KANK4: variants seen among roughly 807,000 people sequenced by gnomAD.
KANK4 encodes the protein KN motif and ankyrin repeat domain-containing protein 4.
KANK4 carries 50 observed loss-of-function variants against 80.8 expected under a neutral mutation model. The ratio of observed to expected loss-of-function variants is 0.62; its 90% CI spans 0.49 to 0.78. The LOEUF is 0.78. Among genes scored for constraint, KANK4 ranks in the 30% least tolerant of loss-of-function variants. The probability of loss-of-function intolerance (pLI) is 0.00; values close to 1 mark genes in which losing one functional copy is unlikely to be tolerated. For synonymous variants in KANK4, 465 were observed against 506.9 expected (o/e 0.92, Z 1.11); for missense variants, 1,196 against 1,240.1 (o/e 0.96, Z 0.53).
chr1:62,262,644 G>C (rs1339599597), intron 7 of KANK4, among the ~76,000 whole-genome samples: 1 of 152,022 alleles, frequency 6.6e-6, no homozygotes, highest in African/African-American at 2.4e-5. Flanking sequence ...TATATGCACA[G>C]ACACACATAC....
At chr1:62,260,356 G>A (rs763048344) in intron 7 of KANK4, among the ~76,000 whole-genome samples, 8 of 151,528 alleles carry the variant, frequency 5.3e-5, no homozygotes, top group Non-Finnish European at 1.0e-4. Flanking sequence ...TTTTCTGCCT[G>A]TCTGTCTCTC....
At chr1:62,243,969 G>C (rs200335100) in intron 9 of KANK4, among the ~76,000 whole-genome samples, 1 of 150,142 alleles carries the variant, frequency 6.7e-6, no homozygotes, top group African/African-American at 2.4e-5. Context: ...TTTTTTTTTT[G>C]TTTTAGCTAT....
intron 1 of KANK4, among the ~76,000 whole-genome samples, chr1:62,298,814 T>TA (rs772021783): frequency 2.0e-4 from 31 of 152,334 alleles, no homozygotes; most frequent in Non-Finnish European, 2.6e-4. Context: ...AAGTGCCCAA[T>TA]AAAAGTCAGT....
rs1282615199 is a variant in KANK4 at position 62,279,198 on chromosome 1, G to GCGCGCACACACA, written c.16+2350_16+2351insTGTGTGTGCGCG. Among the ~76,000 whole-genome samples, 173 of 146,272 alleles carry GCGCGCACACACA rather than the reference G, an allele frequency of 1.2e-3. 3 individuals are homozygous for GCGCGCACACACA. The highest frequency in any genetic ancestry group is 1.0e-2 in the South Asian group (44 of 4,416). ...TAGGTGCTTTCCTAAGCTAGCGCGC[G>GCGCGCACACACA]CACACACACACACACACACACACAC... On this transcript the variant is annotated intron_variant, in intron 2 of 9. Coordinates refer to ENST00000371153, the MANE Select transcript of KANK4 (RefSeq NM_181712.5).
At chr1:62,240,699 A>T (rs552047662) in intron 9 of KANK4, among the ~76,000 whole-genome samples, 9 of 152,228 alleles carry the variant, frequency 5.9e-5, no homozygotes, top group Admixed American at 5.2e-4. Context: ...TAAATTAAAT[A>T]AAAAGAAGTG....
At chr1:62,258,075 G>A (rs780149884) in intron 7 of KANK4, among the ~76,000 whole-genome samples, 14 of 152,204 alleles carry the variant, frequency 9.2e-5, no homozygotes, top group Non-Finnish European at 1.6e-4. Context: ...CAGATTAAGA[G>A]ACTGATCGAT....
rs114766469 is a variant in KANK4, at chr1:62,299,544, A to G, written c.-70-17910T>C. On this transcript the variant is annotated intron_variant, in intron 1 of 9. Transcript: ENST00000371153. ...TCAAGGAAGGATTGCCAAGGAGCAGAGAAAAATCAGGCACAAGAGAAGGGG... is the reference window on the plus strand; with the variant it reads ...TCAAGGAAGGATTGCCAAGGAGCAGGGAAAAATCAGGCACAAGAGAAGGGG... Among the ~76,000 whole-genome samples, 1,167 of 152,258 alleles carry G rather than the reference A, an allele frequency of 7.7e-3. 7 individuals carry two copies. Among genetic ancestry groups the G allele is most frequent in the African/African-American group, 0.027 (1,105 of 41,536 alleles).
At chr1:62,275,853 G>GGAGGGAGA in intron 2 of KANK4, among the ~76,000 whole-genome samples, 1 of 122,222 alleles carries the variant, frequency 8.2e-6, no homozygotes, top group South Asian at 3.2e-4. Flanking sequence ...AGGGAGGGAG[G>GGAGGGAGA]GAGGGAGGAA....
In KANK4 at chr1:62,263,040, G is replaced by T. The variant is rs1025633682; in HGVS notation, c.2539+52C>A. ...ATTTTTGAAAAAAATTTTAAAAATTGCCCTGCTCTTCAAGGAGGGACCCAG... is the reference window on the plus strand; with the variant it reads ...ATTTTTGAAAAAAATTTTAAAAATTTCCCTGCTCTTCAAGGAGGGACCCAG... On this transcript the variant is annotated intron_variant, in intron 7 of 9. Coordinates refer to ENST00000371153, the MANE Select transcript of KANK4 (RefSeq NM_181712.5). The T allele has an allele frequency of 5.9e-6, 8 of 1,367,396 alleles. No homozygotes were observed. The East Asian group carries it at 1.4e-4, about 24-fold the overall frequency. 84.7% of individuals were successfully genotyped at this position (1,367,396 alleles called of 1,614,324 possible).
intron 1 of KANK4, among the ~76,000 whole-genome samples, chr1:62,295,160 A>G (rs1286508769): frequency 6.8e-6 from 1 of 147,704 alleles, no homozygotes; most frequent in Non-Finnish European, 1.5e-5. Context: ...TTTTTTTGAG[A>G]TGGAATTTTG....
intron 1 of KANK4, among the ~76,000 whole-genome samples, chr1:62,285,440 G>T (rs894140149): frequency 1.3e-5 from 2 of 152,146 alleles, no homozygotes; most frequent in African/African-American, 4.8e-5. Context: ...CTTTTATGAT[G>T]CCATTTTCAA....
intron 1 of KANK4, among the ~76,000 whole-genome samples, chr1:62,284,124 C>T (rs1003348141): frequency 3.3e-5 from 5 of 152,134 alleles, no homozygotes; most frequent in African/African-American, 1.2e-4. Context: ...CGACTCCCAC[C>T]CCCAGCCTTC....
At chr1:62,293,406 A>C (rs1013142891) in intron 1 of KANK4, among the ~76,000 whole-genome samples, 3 of 151,962 alleles carry the variant, frequency 2.0e-5, no homozygotes, top group African/African-American at 7.3e-5. Context: ...CAATTCTTGA[A>C]ATCTATAATT....
At chr1:62,289,925 A>G (rs752788908) in intron 1 of KANK4, among the ~76,000 whole-genome samples, 7 of 152,202 alleles carry the variant, frequency 4.6e-5, no homozygotes, top group Non-Finnish European at 1.0e-4. Flanking sequence ...TCTTGCTCAC[A>G]TTACTGAACT....
intron 1 of KANK4, among the ~76,000 whole-genome samples, chr1:62,302,296 G>A (rs912896): frequency 1.3e-4 from 19 of 151,916 alleles, no homozygotes; most frequent in African/African-American, 4.3e-4. Flanking sequence ...AGAAGCCGAG[G>A]GAGAAGGATG....
At chr1:62,310,949 C>T (rs1644492920) in intron 1 of KANK4, among the ~76,000 whole-genome samples, 2 of 152,120 alleles carry the variant, frequency 1.3e-5, no homozygotes, top group South Asian at 4.2e-4. Flanking sequence ...ACCCATTCTG[C>T]CTGACTCCAC....
chr1:62,243,365 GTT>G (rs1013996601), intron 9 of KANK4, among the ~76,000 whole-genome samples: 2 of 149,934 alleles, frequency 1.3e-5, no homozygotes, highest in African/African-American at 4.9e-5. Flanking sequence ...TTGAGACAGA[GTT>G]TTGTTCTTTC....
chr1:62,252,629 T>A (rs989907683), intron 8 of KANK4, among the ~76,000 whole-genome samples: 3 of 152,214 alleles, frequency 2.0e-5, no homozygotes, highest in Non-Finnish European at 4.4e-5. Flanking sequence ...GTTAAAAGGC[T>A]TTGGGGTGAC....
chr1:62,262,884 C>G (rs1671919992), intron 7 of KANK4, among the ~76,000 whole-genome samples: 1 of 152,068 alleles, frequency 6.6e-6, no homozygotes, highest in South Asian at 2.1e-4. Context: ...GGGTGGAAGG[C>G]AGTGAGGAAA....
Sources: gnomAD v4.1 joint callset for allele counts (sites outside exome capture counted in the v4.1 genomes callset) on GRCh38, gnomAD v4.1.1 for gene constraint, MANE v1.5 for transcripts, NCBI Gene and HGNC (gene_info 2026-07-23, HGNC 2026-07-21) for gene names.